ZNF536: variants seen among roughly 807,000 people sequenced by gnomAD.
ZNF536 encodes the protein zinc finger protein 536.
Under a neutral mutation model 84.5 loss-of-function variants are expected in ZNF536, and 13 were observed. That is an observed-to-expected ratio of 0.15 (90% CI 0.10 to 0.24). The LOEUF (loss-of-function observed/expected upper bound fraction) is 0.24. Among genes scored for constraint, ZNF536 ranks in the 10% least tolerant of loss-of-function variants. The pLI is 1.00. For missense variants in ZNF536, 1,536 were observed against 1,747.5 expected (o/e 0.88, Z 2.16); for synonymous variants, 811 against 742.5 (o/e 1.09, Z -1.50).
chr19:30,457,636 C>T (rs928869395), intron 2 of ZNF536, among the ~76,000 whole-genome samples: 14 of 152,222 alleles, frequency 9.2e-5, no homozygotes, highest in African/African-American at 2.7e-4. Context: ...CAGCTCATGG[C>T]CCCCTGACCA....
intron 2 of ZNF536, among the ~76,000 whole-genome samples, chr19:30,333,038 T>C (rs1400709267): frequency 6.6e-6 from 1 of 152,150 alleles, no homozygotes; most frequent in South Asian, 2.1e-4. Context: ...GCTTCCTGCA[T>C]GCCTTCCTGG....
At chr19:30,611,000 G>A (rs541467663) in intron 1 of ZNF536, among the ~76,000 whole-genome samples, 1 of 152,300 alleles carries the variant, frequency 6.6e-6, no homozygotes, top group South Asian at 2.1e-4. Context: ...TGGCATTTTT[G>A]TTGAGGGCTT....
intron 2 of ZNF536, among the ~76,000 whole-genome samples, chr19:30,454,116 G>A (rs944466739): frequency 9.2e-5 from 14 of 152,364 alleles, no homozygotes; most frequent in Non-Finnish European, 1.8e-4. Context: ...TGCAAGCAGT[G>A]TCTACCTTTA....
intron 2 of ZNF536, among the ~76,000 whole-genome samples, chr19:30,470,238 T>A (rs750563648): frequency 6.6e-6 from 1 of 152,234 alleles, no homozygotes; most frequent in Non-Finnish European, 1.5e-5. Context: ...AATAAATTTC[T>A]AATTTTTGAA....
intron 1 of ZNF536, among the ~76,000 whole-genome samples, chr19:30,571,735 T>C (rs970017833): frequency 1.3e-5 from 2 of 152,120 alleles, no homozygotes; most frequent in Non-Finnish European, 2.9e-5. Context: ...ACCACAGGCA[T>C]GAGTCTCCCC....
At chr19:30,441,035 T>C (rs2052021192) in intron 1 of ZNF536, among the ~76,000 whole-genome samples, 1 of 152,224 alleles carries the variant, frequency 6.6e-6, no homozygotes, top group Non-Finnish European at 1.5e-5. Flanking sequence ...ATAGCATGAA[T>C]GGTGGTGGTG....
chr19:30,389,611 A>C, intron 1 of ZNF536, among the ~76,000 whole-genome samples: 1 of 152,194 alleles, frequency 6.6e-6, no homozygotes, highest in East Asian at 1.9e-4. Context: ...TTCATGAGAA[A>C]GTTCCAGACT....
chr19:30,485,358 G>T (rs2054264403), intron 2 of ZNF536, among the ~76,000 whole-genome samples: 1 of 151,986 alleles, frequency 6.6e-6, no homozygotes, highest in Non-Finnish European at 1.5e-5. Flanking sequence ...ATGGTTTTTA[G>T]TCTATTCATA....
chr19:30,318,636 T>G (rs775764402), intron 2 of ZNF536, among the ~76,000 whole-genome samples: 1 of 152,088 alleles, frequency 6.6e-6, no homozygotes, highest in Non-Finnish European at 1.5e-5. Context: ...GCACATTAGG[T>G]GTGTGTGTGT....
chr19:30,506,558 G>C (rs1308515116), intron 2 of ZNF536, among the ~76,000 whole-genome samples: 1 of 152,160 alleles, frequency 6.6e-6, no homozygotes, highest in Non-Finnish European at 1.5e-5. Context: ...GTTCTGCCCT[G>C]GGGAAAGACC....
chr19:30,402,669 G>A (rs186581217), intron 1 of ZNF536, among the ~76,000 whole-genome samples: 69 of 151,388 alleles, frequency 4.6e-4, no homozygotes, highest in African/African-American at 1.5e-3. Flanking sequence ...GGCCGACGTG[G>A]GTTTAAAGAT....
intron 2 of ZNF536, among the ~76,000 whole-genome samples, chr19:30,463,113 A>G (rs536889699): frequency 5.7e-4 from 86 of 152,010 alleles, no homozygotes; most frequent in African/African-American, 2.0e-3. Context: ...GGATGCGTGT[A>G]TCTGTATGCA....
chr19:30,322,104 A>T (rs1164755169), intron 2 of ZNF536, among the ~76,000 whole-genome samples: 1 of 151,986 alleles, frequency 6.6e-6, no homozygotes, highest in Non-Finnish European at 1.5e-5. Flanking sequence ...ACATTTTTCC[A>T]TATATATAAT....
intron 2 of ZNF536, among the ~76,000 whole-genome samples, chr19:30,529,950 C>T (rs572218967): frequency 5.3e-4 from 80 of 152,334 alleles, no homozygotes; most frequent in African/African-American, 1.8e-3. Context: ...ACAAGGGCCA[C>T]AGGAGCTGTT....
chr19:30,307,917 G>A (rs561009442), intron 2 of ZNF536, among the ~76,000 whole-genome samples: 1 of 152,312 alleles, frequency 6.6e-6, no homozygotes, highest in African/African-American at 2.4e-5. Context: ...ACACTGGCAT[G>A]CTCCTCTAAC....
At chr19:30,661,609 G>A (rs1025254813) in intron 1 of ZNF536, among the ~76,000 whole-genome samples, 3 of 152,058 alleles carry the variant, frequency 2.0e-5, no homozygotes, top group Admixed American at 6.5e-5. Context: ...CTGACATGTC[G>A]GGGAAAGACT....
intron 1 of ZNF536, among the ~76,000 whole-genome samples, chr19:30,627,675 C>T (rs1251645098): frequency 1.3e-5 from 2 of 152,014 alleles, no homozygotes; most frequent in African/African-American, 4.8e-5. Context: ...GAGAGGGGTT[C>T]CGCAGATTCT....
rs554949494 is a variant in ZNF536, at chr19:30,580,540, A to T, written c.169+31026A>T. On this transcript the variant is annotated intron_variant, in intron 1 of 1. Coordinates refer to the ZNF536 transcript ENST00000592773. ...GGGGTACCTGTGTGTTTCTGCGGGC[A>T]TGCCAGGGAGGGTATGCTGTAGTGG... Among the ~76,000 whole-genome samples the T allele has an allele frequency of 1.3e-3, 199 of 152,184 alleles. 2 individuals carry two copies. Among genetic ancestry groups the T allele is most frequent in the African/African-American group, 4.6e-3 (190 of 41,522 alleles).
chr19:30,442,531 C>G (rs991334783), intron 1 of ZNF536, among the ~76,000 whole-genome samples: 1 of 152,104 alleles, frequency 6.6e-6, no homozygotes, highest in African/African-American at 2.4e-5. Flanking sequence ...TATAAAAGAC[C>G]TCTTTAAACC....
Sources: allele counts gnomAD v4.1 joint callset (sites outside exome capture counted in the v4.1 genomes callset), GRCh38; gene constraint gnomAD v4.1.1; transcripts MANE v1.5; gene names NCBI Gene and HGNC (gene_info 2026-07-23, HGNC 2026-07-21).